FLT1: variants seen among roughly 807,000 people sequenced by gnomAD.
The protein encoded by FLT1 is fms related receptor tyrosine kinase 1, also known as vascular endothelial growth factor receptor 1.
In FLT1, 49 loss-of-function variants were observed where a neutral mutation model predicts 156.3. The ratio of observed to expected loss-of-function variants is 0.31; its 90% CI spans 0.25 to 0.40. FLT1 has a LOEUF of 0.40. Ranked by LOEUF, FLT1 falls within the 10% of genes least tolerant of loss-of-function variation. FLT1 has a pLI of 1.00. For missense variants in FLT1, 1,322 were observed against 1,637.2 expected, an observed-to-expected ratio of 0.81 and a Z score of 3.32; for synonymous variants, 594 against 583.8, an observed-to-expected ratio of 1.02 and a Z score of -0.25.
intron 18 of FLT1, among the ~76,000 whole-genome samples, chr13:28,333,726 A>G (rs781764540): frequency 3.3e-5 from 5 of 152,210 alleles, no homozygotes; most frequent in East Asian, 3.8e-4. Flanking sequence ...TGCAGTTACA[A>G]TGGGCTTAAG....
chr13:28,367,171 T>C (rs1873330653), intron 14 of FLT1, among the ~76,000 whole-genome samples: 1 of 152,192 alleles, frequency 6.6e-6, no homozygotes, highest in Admixed American at 6.5e-5. Flanking sequence ...TTTATAAAAT[T>C]CTGTCAGTTA....
intron 1 of FLT1, among the ~76,000 whole-genome samples, chr13:28,485,450 T>A (rs945324136): frequency 3.3e-5 from 5 of 152,186 alleles, no homozygotes; most frequent in East Asian, 3.9e-4. Context: ...CTGTTTTATT[T>A]TTTATTTATT....
At chr13:28,467,213 G>T in intron 2 of FLT1, 84 bp from the exon 3 acceptor site, 1 of 1,019,074 alleles carries the variant, frequency 9.8e-7, no homozygotes, top group Non-Finnish European at 1.5e-6. Context: ...ATTTTATTAG[G>T]AAGCGGAGGT....
rs1240116044 is a variant in FLT1, at chr13:28,301,127, AG to A, written c.*2039del. Reference sequence around the variant, plus strand: ...ATTGAAATCAAGACATGAATAGCTAAGGTTTTATTTGTTATCACTATTTGCT... The same window carrying A: ...ATTGAAATCAAGACATGAATAGCTAAGTTTTATTTGTTATCACTATTTGCT... On this transcript the variant is annotated 3_prime_UTR_variant, in exon 30 of 30. Transcript: ENST00000282397. 16 of 232,346 alleles carry A rather than the reference AG, an allele frequency of 6.9e-5. No individual in the cohort carries two copies. Among genetic ancestry groups the A allele is most frequent in the Non-Finnish European group, 1.2e-4 (14 of 117,710 alleles). 14.4% of individuals were successfully genotyped at this position (232,346 alleles called of 1,614,324 possible).
chr13:28,371,169 G>A (rs899802276), intron 14 of FLT1, among the ~76,000 whole-genome samples: 1 of 151,930 alleles, frequency 6.6e-6, no homozygotes, highest in Admixed American at 6.6e-5. Flanking sequence ...GAAATGCTGG[G>A]TTTCCCATAT....
intron 23 of FLT1, among the ~76,000 whole-genome samples, chr13:28,320,603 C>G (rs1041087707): frequency 6.6e-6 from 1 of 151,768 alleles, no homozygotes; most frequent in African/African-American, 2.4e-5. Context: ...ATGTGTGGCC[C>G]AAGATAATTC....
At chr13:28,474,505 C>CACACACACACACACACACAGACACACAG (rs781468787) in intron 1 of FLT1, among the ~76,000 whole-genome samples, 5,736 of 150,842 alleles carry the variant, frequency 0.038, 196 homozygotes, top group Admixed American at 0.11. Flanking sequence ...CACACACACA[C>CACACACACACACACACACAGACACACAG]ACACACACAC....
intron 15 of FLT1, 29 bp from the exon 16 acceptor site, chr13:28,345,580 T>C: frequency 7.6e-7 from 1 of 1,310,006 alleles, no homozygotes; most frequent in African/African-American, 1.5e-5. Flanking sequence ...ACAATAGTGG[T>C]GCAACAAAGA....
At chr13:28,412,350 C>CTTTCTTTCTCTT (rs71086853) in intron 10 of FLT1, among the ~76,000 whole-genome samples, 28 of 93,796 alleles carry the variant, frequency 3.0e-4, no homozygotes, top group Non-Finnish European at 5.0e-4. Flanking sequence ...TTCTTTCTTT[C>CTTTCTTTCTCTT]TCTTTCTTTC....
intron 1 of FLT1, among the ~76,000 whole-genome samples, chr13:28,469,551 C>T (rs1487352754): frequency 6.6e-6 from 1 of 152,174 alleles, no homozygotes; most frequent in African/African-American, 2.4e-5. Context: ...AGGGTGTGTG[C>T]ATTCGGTGCT....
intron 3 of FLT1, among the ~76,000 whole-genome samples, chr13:28,447,289 C>T (rs934990234): frequency 1.3e-5 from 2 of 151,690 alleles, no homozygotes; most frequent in African/African-American, 4.8e-5. Flanking sequence ...AGTGATGCCC[C>T]CACCTCAGCC....
chr13:28,391,404 T>C (rs1189033438), intron 12 of FLT1, among the ~76,000 whole-genome samples: 2 of 152,214 alleles, frequency 1.3e-5, no homozygotes, highest in African/African-American at 4.8e-5. Context: ...GCATACCTTA[T>C]TGCCTCCTTT....
chr13:28,469,606 C>T (rs898798582), intron 1 of FLT1, among the ~76,000 whole-genome samples: 1 of 152,150 alleles, frequency 6.6e-6, no homozygotes, highest in Non-Finnish European at 1.5e-5. Context: ...GTGGCAGATG[C>T]CCACTATCAC....
rs375287682 is a variant in FLT1 at position 28,393,009 on chromosome 13, TTA to T, written c.1661-2907_1661-2906del. Among the ~76,000 whole-genome samples, 32 of 152,284 alleles carry T rather than the reference TTA, an allele frequency of 2.1e-4. No homozygotes were observed. In the East Asian group the frequency reaches 6.0e-3, roughly 28 times the overall value. ...CCTTAATTCATGTTGACTTTTTTTT[TTA>T]GTCTGAGTACAAAAACAGACCCAAG... is the stretch of plus-strand genomic sequence containing the variant. On this transcript the variant is annotated intron_variant, in intron 12 of 29. Coordinates refer to ENST00000282397, the MANE Select transcript of FLT1 (RefSeq NM_002019.4).
rs548930210 is a variant in FLT1, at chr13:28,343,278, C to T, written c.2355+2167G>A. ...GATTACAGGCGTGAGCCACTGCGCC[C>T]GGCTGCCATTATAATTTCTTTCTTT... On this transcript the variant is annotated intron_variant, in intron 16 of 29. Coordinates refer to ENST00000282397, the MANE Select transcript of FLT1 (RefSeq NM_002019.4). Among the ~76,000 whole-genome samples the T allele has an allele frequency of 1.6e-4, 24 of 151,588 alleles. No individual in the cohort carries two copies. The South Asian group carries it at 4.8e-3, about 30-fold the overall frequency.
intron 10 of FLT1, among the ~76,000 whole-genome samples, chr13:28,415,292 C>T (rs576245033): frequency 1.3e-5 from 2 of 152,234 alleles, no homozygotes; most frequent in East Asian, 1.9e-4. Flanking sequence ...CCAGCCTGAC[C>T]AACATGGAGA....
At chr13:28,327,343 A>G in intron 20 of FLT1, 119 bp downstream of exon 20, 1 of 711,818 alleles carries the variant, frequency 1.4e-6, no homozygotes. Context: ...AGAAGCAGAG[A>G]TTGAGTTTTA....
Position 28,389,997 on chromosome 13 carries a change from T to A in FLT1, c.1768A>T (p.Ile590Phe), listed in dbSNP as rs553955549. The A allele has an allele frequency of 9.3e-6, 15 of 1,614,190 alleles. No homozygotes were observed. In the South Asian group the frequency reaches 1.6e-4, roughly 18 times the overall value. ...NKFLYRDVTW[I>F]LLRTVNNRTM... ...CTGTTATTAACTGTCCGCAGTAAAA[T>A]CCAAGTAACGTCTCTGTATAAGAAC... Residue 590 changes from isoleucine to phenylalanine, a missense_variant, in exon 13 of 30, where the codon ATT (isoleucine) becomes TTT (phenylalanine). This residue lies in a region of FLT1 where 991 missense variants were observed against 1,254.8 expected (regional missense o/e 0.79). Transcript: ENST00000282397.
intron 17 of FLT1, among the ~76,000 whole-genome samples, chr13:28,334,579 C>T (rs1872047994): frequency 6.6e-6 from 1 of 152,210 alleles, no homozygotes; most frequent in Non-Finnish European, 1.5e-5. Context: ...GTGGTTACTA[C>T]TGTGGATTAT....
Sources: gnomAD v4.1 joint callset for allele counts (sites outside exome capture counted in the v4.1 genomes callset) on GRCh38, gnomAD v4.1.1 for gene constraint, gnomAD v4.1.1 regional missense constraint, MANE v1.5 for transcripts, NCBI Gene and HGNC (gene_info 2026-07-23, HGNC 2026-07-21) for gene names.